ALDH3B2: variants seen among roughly 807,000 people sequenced by gnomAD.
ALDH3B2 encodes the protein aldehyde dehydrogenase 3 family member B2, also known as aldehyde dehydrogenase family 3 member B2.
In ALDH3B2, 45 loss-of-function variants were observed where a neutral mutation model predicts 36.7. That is an observed-to-expected ratio of 1.23 (90% CI 0.97 to 1.57). ALDH3B2 has a LOEUF of 1.57. Ranked by LOEUF, ALDH3B2 falls within the 40% of genes most tolerant of loss-of-function variation. ALDH3B2 has a pLI of 0.00. For missense variants in ALDH3B2, 464 were observed against 513.3 expected, an observed-to-expected ratio of 0.90 and a Z score of 0.93; for synonymous variants, 217 against 226.5, an observed-to-expected ratio of 0.96 and a Z score of 0.38.
intron 7 of ALDH3B2, 78 bp from the exon 8 acceptor site, chr11:67,664,640 G>A: frequency 6.4e-7 from 1 of 1,561,734 alleles, no homozygotes. Context: ...GTGGGGACAG[G>A]GGCATGGGCC....
chr11:67,672,099 A>ATGTT (rs1565250114), intron 1 of ALDH3B2, among the ~76,000 whole-genome samples: 1 of 45,638 alleles, frequency 2.2e-5, no homozygotes, highest in Non-Finnish European at 4.3e-5. Flanking sequence ...GTATGTATGT[A>ATGTT]TTTTGTGTGT....
intron 1 of ALDH3B2, among the ~76,000 whole-genome samples, chr11:67,680,197 C>G (rs551982246): frequency 8.3e-4 from 126 of 152,186 alleles, no homozygotes; most frequent in Non-Finnish European, 1.4e-3. Context: ...ACCTGTAATC[C>G]CAGCTACTCA....
intron 1 of ALDH3B2, among the ~76,000 whole-genome samples, chr11:67,668,784 GTGTGTGTCTGTGTATGTATGGGTGC>G (rs1855993618): frequency 7.2e-6 from 1 of 139,708 alleles, no homozygotes; most frequent in African/African-American, 2.8e-5. Flanking sequence ...ATGGGTGTCT[GTGTGTGTCTGTGTATGTATGGGTGC>G]TGTGTGTCTT....
upstream of ALDH3B2, among the ~76,000 whole-genome samples, chr11:67,677,344 A>C (rs1229033307): frequency 1.3e-5 from 2 of 152,224 alleles, no homozygotes; most frequent in East Asian, 3.8e-4. Context: ...CAGAATTAAA[A>C]ATGAAAATCA....
chr11:67,675,082 T>C (rs1591149798), upstream of ALDH3B2, among the ~76,000 whole-genome samples: 2 of 152,272 alleles, frequency 1.3e-5, no homozygotes, highest in Middle Eastern at 3.4e-3. Flanking sequence ...ACTGTGGCTC[T>C]ATTTCCACTC....
At chr11:67,670,416 C>T (rs979893394) in intron 1 of ALDH3B2, among the ~76,000 whole-genome samples, 4 of 152,044 alleles carry the variant, frequency 2.6e-5, no homozygotes, top group Non-Finnish European at 5.9e-5. Flanking sequence ...AGCTGCAGGT[C>T]ACAGGGCCGT....
intron 8 of ALDH3B2, 103 bp downstream of exon 8, chr11:67,664,293 A>G (rs555702651): frequency 5.2e-6 from 8 of 1,553,340 alleles, no homozygotes; most frequent in Non-Finnish European, 7.0e-6. Context: ...CCCTTGAGGC[A>G]TCTGCTGCTC....
At chr11:67,674,959 C>T (rs1448928302), upstream of ALDH3B2, among the ~76,000 whole-genome samples, 2 of 152,124 alleles carry the variant, frequency 1.3e-5, no homozygotes, top group East Asian at 3.8e-4. Context: ...CTCCCAGGCC[C>T]CAGCCACAGT....
chr11:67,662,821 G>C (rs530748628), exon 10 of ALDH3B2: 4 of 220,310 alleles, frequency 1.8e-5, no homozygotes, highest in African/African-American at 4.7e-5. Context: ...CTAGAGGGGA[G>C]AGCAAAGGCC....
intron 1 of ALDH3B2, among the ~76,000 whole-genome samples, chr11:67,669,823 T>TCC (rs1491514003): frequency 2.5e-5 from 3 of 121,476 alleles, no homozygotes; most frequent in Non-Finnish European, 1.8e-5. Flanking sequence ...TCTGTGTGTG[T>TCC]ATGGGTGTCT....
intron 1 of ALDH3B2, among the ~76,000 whole-genome samples, chr11:67,680,188 C>T (rs543659789): frequency 6.6e-6 from 1 of 152,224 alleles, no homozygotes; most frequent in African/African-American, 2.4e-5. Flanking sequence ...GTGATGCGCA[C>T]CTGTAATCCC....
chr11:67,680,262 C>T (rs1327188302), intron 1 of ALDH3B2, among the ~76,000 whole-genome samples: 3 of 152,048 alleles, frequency 2.0e-5, no homozygotes, highest in Non-Finnish European at 2.9e-5. Flanking sequence ...TGCAGTAAGC[C>T]GAGATTGCAC....
At chr11:67,671,949 C>G (rs571270472) in intron 1 of ALDH3B2, among the ~76,000 whole-genome samples, 122 of 149,360 alleles carry the variant, frequency 8.2e-4, no homozygotes, top group Non-Finnish European at 1.0e-3. Context: ...AATGCAGTCT[C>G]TCACCTACCT....
intron 5 of ALDH3B2, 48 bp downstream of exon 5, chr11:67,666,268 G>T: frequency 6.2e-7 from 1 of 1,612,464 alleles, no homozygotes; most frequent in Admixed American, 1.7e-5. Context: ...AGCCCACAGG[G>T]GTGATATATG....
At chr11:67,675,268 CAAT>C (rs959652125), upstream of ALDH3B2, among the ~76,000 whole-genome samples, 18 of 152,296 alleles carry the variant, frequency 1.2e-4, no homozygotes, top group Admixed American at 2.0e-4. Context: ...TCGGAAGTAA[CAAT>C]AACACCTAAT....
At chr11:67,677,113 A>G (rs1051275170), upstream of ALDH3B2, among the ~76,000 whole-genome samples, 3 of 152,254 alleles carry the variant, frequency 2.0e-5, no homozygotes, top group African/African-American at 7.2e-5. Context: ...TGAAGCCAGC[A>G]TCATCCTAAT....
At chr11:67,664,409 G>A in exon 8 of ALDH3B2, 2 of 1,614,146 alleles carry the variant, frequency 1.2e-6, no homozygotes, top group Non-Finnish European at 1.7e-6. Context: ...GCTGCTGTTG[G>A]AGAAGGCGTA....
rs139106840 is a variant in ALDH3B2 at position 67,666,650 on chromosome 11, G to T, written c.75C>A (p.Gly25=). 3 of 1,614,174 alleles carry T rather than the reference G, an allele frequency of 1.9e-6. No homozygotes were observed. In the South Asian group the frequency reaches 3.3e-5, roughly 18 times the overall value. The change falls in exon 4 of 10, where the codon GGC becomes GGA. Residue 25 remains glycine (G), a synonymous_variant. Transcript: ENST00000349015. ...TCCAGGGTGCGATGATGAGGACCAG[G>T]CCAAAGGGTTCCTTCCAGATGAAGA...
upstream of ALDH3B2, among the ~76,000 whole-genome samples, chr11:67,675,480 C>T (rs1221935579): frequency 4.6e-5 from 7 of 152,164 alleles, no homozygotes; most frequent in Non-Finnish European, 1.0e-4. Context: ...GACTCTGTCC[C>T]CACCCCACCT....
Sources: gnomAD v4.1 joint callset for allele counts (sites outside exome capture counted in the v4.1 genomes callset) on GRCh38, gnomAD v4.1.1 for gene constraint, MANE v1.5 for transcripts, NCBI Gene and HGNC (gene_info 2026-07-23, HGNC 2026-07-21) for gene names.